The following KCTD16 variants were observed in gnomAD, a reference collection of about 807,000 sequenced individuals.
KCTD16 encodes BTB/POZ domain-containing protein KCTD16.
Under a neutral mutation model 33.2 loss-of-function variants are expected in KCTD16, and 13 were observed. That is an observed-to-expected ratio of 0.39 (90% CI 0.25 to 0.62). The LOEUF is 0.62. Among genes scored for constraint, KCTD16 ranks in the 20% least tolerant of loss-of-function variants. KCTD16 has a pLI of 0.50. For synonymous variants in KCTD16, 197 were observed against 195.3 expected (o/e 1.01, Z -0.07); for missense variants, 441 against 525.1 (o/e 0.84, Z 1.57).
rs143856174 is a variant in KCTD16 at position 144,391,014 on chromosome 5, C to T, written c.833-82646C>T. On this transcript the variant is annotated intron_variant, in intron 3 of 3. Transcript: ENST00000512467. ...CCTTTATGAGTACCTACAGCTCCCC[C>T]GCCACAACCAATTGCTGCTCATTTC... Among the ~76,000 whole-genome samples, 149 of 152,108 alleles carry T rather than the reference C, an allele frequency of 9.8e-4. 4 individuals carry two copies. In the East Asian group the frequency reaches 0.025, roughly 26 times the overall value.
chr5:144,412,096 A>G (rs975448057), intron 3 of KCTD16, among the ~76,000 whole-genome samples: 11 of 152,214 alleles, frequency 7.2e-5, no homozygotes, highest in African/African-American at 2.7e-4. Context: ...TAGTACAGCC[A>G]CTATGGAAAA....
intron 3 of KCTD16, among the ~76,000 whole-genome samples, chr5:144,278,071 G>T (rs1047738195): frequency 6.6e-6 from 1 of 152,028 alleles, no homozygotes; most frequent in African/African-American, 2.4e-5. Context: ...CTGTGCTTTT[G>T]GTAGTGTATC....
intron 3 of KCTD16, among the ~76,000 whole-genome samples, chr5:144,346,959 T>G (rs952024448): frequency 6.7e-6 from 1 of 150,042 alleles, no homozygotes; most frequent in East Asian, 1.9e-4. Flanking sequence ...TTTCAACACT[T>G]TTTTTTTTGT....
rs539287370 is a variant in KCTD16, at chr5:144,358,090, A to ATT, written c.833-115547_833-115546dup. 4.5e-3 allele frequency among the ~76,000 whole-genome samples: 511 copies of ATT among 114,400 alleles called. 1 individual carries two copies. Among genetic ancestry groups the ATT allele is most frequent in the African/African-American group, 5.3e-3 (146 of 27,406 alleles). The allele number at this position is 114,400 out of a possible 152,430, so 75.1% of individuals were successfully genotyped here. A position where few individuals can be genotyped will look rare whatever the true frequency, so the allele number is the denominator to read the frequency against. ...AGGCATATGGCACCACACCCGGCTA[A>ATT]TTTTTTTTTTTTTTTTTTTTTTTTG... On this transcript the variant is annotated intron_variant, in intron 3 of 3. Coordinates refer to ENST00000512467, the MANE Select transcript of KCTD16 (RefSeq NM_020768.4).
chr5:144,411,760 G>C lies in KCTD16; in HGVS notation c.833-61900G>C, dbSNP rs531033162. Among the ~76,000 whole-genome samples the C allele has an allele frequency of 2.6e-5, 4 of 152,054 alleles. No individual in the cohort carries two copies. The South Asian group carries it at 8.3e-4, about 32-fold the overall frequency. On this transcript the variant is annotated intron_variant, in intron 3 of 3. Coordinates refer to ENST00000512467, the MANE Select transcript of KCTD16 (RefSeq NM_020768.4). ...AAGTGGAGAGACAATCCATGTAATGGGAAAAAACATTTGCAACTATCCATC... is the reference window on the plus strand; with the variant it reads ...AAGTGGAGAGACAATCCATGTAATGCGAAAAAACATTTGCAACTATCCATC...
rs373623386 is a variant in KCTD16 at position 144,183,902 on chromosome 5, G to A, written c.-327+9430G>A. ...CTTTACCATAAATCTTGTACATAGT[G>A]CTTGATACTTGATTCTACTTTACTT... On this transcript the variant is annotated intron_variant, in intron 2 of 3. Transcript: ENST00000512467. Among the ~76,000 whole-genome samples the A allele has an allele frequency of 3.5e-4, 53 of 152,222 alleles. 1 individual carries two copies. The South Asian group carries it at 1.0e-2, about 29-fold the overall frequency.
intron 3 of KCTD16, among the ~76,000 whole-genome samples, chr5:144,450,755 T>G (rs761620766): frequency 6.6e-6 from 1 of 152,012 alleles, no homozygotes; most frequent in Non-Finnish European, 1.5e-5. Flanking sequence ...GTCAAATTCA[T>G]AGAAGCAGAG....
intron 3 of KCTD16, among the ~76,000 whole-genome samples, chr5:144,400,671 C>T (rs1259778275): frequency 2.6e-5 from 4 of 152,064 alleles, no homozygotes; most frequent in Admixed American, 6.6e-5. Context: ...AAGGTCTCTA[C>T]CTACATAGAT....
chr5:144,339,709 C>A (rs1216509209), intron 3 of KCTD16, among the ~76,000 whole-genome samples: 1 of 152,118 alleles, frequency 6.6e-6, no homozygotes, highest in Non-Finnish European at 1.5e-5. Flanking sequence ...TGCTTGCTTT[C>A]CTTCCTCTCC....
chr5:144,425,352 C>T (rs1223820073), intron 3 of KCTD16, among the ~76,000 whole-genome samples: 5 of 151,928 alleles, frequency 3.3e-5, no homozygotes, highest in Admixed American at 6.6e-5. Flanking sequence ...TTGTTGGGCT[C>T]ATCCCACCCA....
chr5:144,228,931 A>G (rs1370459160), intron 3 of KCTD16, among the ~76,000 whole-genome samples: 1 of 152,200 alleles, frequency 6.6e-6, no homozygotes, highest in East Asian at 1.9e-4. Context: ...TGAGGAAGGA[A>G]GTATTTGAAG....
chr5:144,185,100 T>G (rs966117718), intron 2 of KCTD16, among the ~76,000 whole-genome samples: 2 of 152,206 alleles, frequency 1.3e-5, no homozygotes, highest in Non-Finnish European at 2.9e-5. Context: ...TTAACTATCT[T>G]CATTTTGCAG....
chr5:144,325,233 C>A (rs1208717737), intron 3 of KCTD16, among the ~76,000 whole-genome samples: 4 of 152,122 alleles, frequency 2.6e-5, no homozygotes, highest in African/African-American at 9.7e-5. Flanking sequence ...AATCTTTTCA[C>A]CACCTGCCAC....
chr5:144,350,499 A>G (rs1397088747), intron 3 of KCTD16, among the ~76,000 whole-genome samples: 1 of 152,266 alleles, frequency 6.6e-6, no homozygotes, highest in East Asian at 1.9e-4. Context: ...ACTTTCCCCA[A>G]ATTCCCTGGT....
chr5:144,253,936 A>G (rs1216048947), intron 3 of KCTD16, among the ~76,000 whole-genome samples: 1 of 152,174 alleles, frequency 6.6e-6, no homozygotes, highest in Non-Finnish European at 1.5e-5. Flanking sequence ...GGGGTAAAAA[A>G]TAAAAGGTTG....
At chr5:144,299,444 A>G (rs774460954) in intron 3 of KCTD16, among the ~76,000 whole-genome samples, 26 of 152,038 alleles carry the variant, frequency 1.7e-4, no homozygotes, top group East Asian at 3.9e-4. Flanking sequence ...TCTATTTTCT[A>G]TCTTTCATTC....
chr5:144,274,066 T>G (rs1376232543), intron 3 of KCTD16, among the ~76,000 whole-genome samples: 8 of 151,416 alleles, frequency 5.3e-5, no homozygotes, highest in Admixed American at 5.3e-4. Flanking sequence ...AAAATCCACT[T>G]GGGCATTTTA....
chr5:144,428,846 G>A (rs1753394026), intron 3 of KCTD16, among the ~76,000 whole-genome samples: 2 of 152,156 alleles, frequency 1.3e-5, no homozygotes, highest in South Asian at 4.1e-4. Context: ...TTTGAGAGGG[G>A]CAGATGCTGT....
intron 3 of KCTD16, among the ~76,000 whole-genome samples, chr5:144,368,930 G>A (rs543462263): frequency 5.6e-4 from 85 of 152,204 alleles, no homozygotes; most frequent in African/African-American, 1.7e-3. Context: ...TCCAGAACTC[G>A]AACCCAGATT....
Sources: gnomAD v4.1 joint callset for allele counts (sites outside exome capture counted in the v4.1 genomes callset) on GRCh38, gnomAD v4.1.1 for gene constraint, MANE v1.5 for transcripts, NCBI Gene and HGNC (gene_info 2026-07-23, HGNC 2026-07-21) for gene names.